GRID2: variants seen among roughly 807,000 people sequenced by gnomAD.
GRID2 encodes the protein glutamate receptor ionotropic, delta-2.
In GRID2, 33 loss-of-function variants were observed where a neutral mutation model predicts 114.8. The observed-to-expected ratio is 0.29, with a 90% CI of 0.22 to 0.38. The LOEUF (loss-of-function observed/expected upper bound fraction) is 0.38. GRID2 is among the 10% of genes least tolerant of loss of function. The probability of loss-of-function intolerance (pLI) is 1.00; values close to 1 mark genes in which losing one functional copy is unlikely to be tolerated. For missense variants in GRID2, 1,184 were observed against 1,257.7 expected, an observed-to-expected ratio of 0.94 and a Z score of 0.89; for synonymous variants, 505 against 449.9, an observed-to-expected ratio of 1.12 and a Z score of -1.55.
chr4:92,604,934 C>A (rs188840338), intron 2 of GRID2, among the ~76,000 whole-genome samples: 1 of 151,922 alleles, frequency 6.6e-6, no homozygotes, highest in Non-Finnish European at 1.5e-5. Context: ...TTGAATCATG[C>A]GGGCAGTTTC....
chr4:93,600,540 T>C (rs567592014), intron 13 of GRID2, among the ~76,000 whole-genome samples: 2 of 152,088 alleles, frequency 1.3e-5, no homozygotes, highest in South Asian at 2.1e-4. Context: ...TCCACCATAA[T>C]AGCTAGAATT....
chr4:93,558,926 T>C (rs1157594811), intron 13 of GRID2, among the ~76,000 whole-genome samples: 1 of 152,194 alleles, frequency 6.6e-6, no homozygotes, highest in African/African-American at 2.4e-5. Flanking sequence ...CAAAGCTGGT[T>C]CAGCATATGC....
intron 8 of GRID2, among the ~76,000 whole-genome samples, chr4:93,361,770 A>G (rs1277290867): frequency 1.3e-5 from 2 of 152,030 alleles, no homozygotes; most frequent in East Asian, 3.9e-4. Context: ...GACAGCAGAG[A>G]CTGAGGTAAA....
rs751478717 is a variant in GRID2, at chr4:93,216,931, A to G, written c.963+20A>G. On this transcript the variant is annotated intron_variant, in intron 6 of 15. Transcript: ENST00000282020. Reference sequence around the variant, plus strand: ...ATGGAGGTATATTATAAATGACAGGATATTTCTTCCAGGGTGCTTTGTTGG... The same window carrying G: ...ATGGAGGTATATTATAAATGACAGGGTATTTCTTCCAGGGTGCTTTGTTGG... 2 of 1,570,830 alleles carry G rather than the reference A, an allele frequency of 1.3e-6. No individual in the cohort carries two copies. The highest frequency in any genetic ancestry group is 4.5e-5 in the East Asian group (2 of 44,454).
At chr4:92,415,290 C>T (rs1469691572) in intron 1 of GRID2, among the ~76,000 whole-genome samples, 3 of 151,798 alleles carry the variant, frequency 2.0e-5, no homozygotes, top group African/African-American at 7.3e-5. Flanking sequence ...AACTCTACAA[C>T]AAATATAGAT....
chr4:92,761,423 T>C (rs1315893074), intron 2 of GRID2, among the ~76,000 whole-genome samples: 1 of 152,190 alleles, frequency 6.6e-6, no homozygotes, highest in Non-Finnish European at 1.5e-5. Flanking sequence ...TTTAGTCAGA[T>C]ATAAGAAATA....
chr4:93,524,765 A>G (rs1045781241), intron 13 of GRID2, among the ~76,000 whole-genome samples: 11 of 139,204 alleles, frequency 7.9e-5, no homozygotes, highest in Non-Finnish European at 1.2e-4. Flanking sequence ...GATGCCAAGA[A>G]AAAATATATG....
At chr4:92,919,594 T>G (rs144188650) in intron 2 of GRID2, among the ~76,000 whole-genome samples, 6,812 of 152,270 alleles carry the variant, frequency 0.045, 280 homozygotes, top group East Asian at 0.2. Context: ...TATTTCTGCC[T>G]TCATTTTGTT....
intron 2 of GRID2, among the ~76,000 whole-genome samples, chr4:92,855,195 T>C (rs910422375): frequency 1.3e-5 from 2 of 152,040 alleles, no homozygotes; most frequent in Non-Finnish European, 2.9e-5. Context: ...CTATTCACTG[T>C]AGTGTAAAGA....
At position 93,699,755 on chromosome 4, in the gene GRID2, TCA is replaced by T. The variant is rs569295332; in HGVS notation, c.2361-69454_2361-69453del. Among the ~76,000 whole-genome samples the T allele has an allele frequency of 5.4e-3, 825 of 152,270 alleles. 6 individuals are homozygous for T. The highest frequency in any genetic ancestry group is 0.019 in the African/African-American group (778 of 41,572). ...ACTGAAGAAGGCTTTTATGTTTTAC[TCA>T]GATTTTTCTCTTTAAAATTGGTTAT... On this transcript the variant is annotated intron_variant, in intron 14 of 15. Transcript: ENST00000282020.
chr4:92,618,117 T>G (rs1033153469), intron 2 of GRID2, among the ~76,000 whole-genome samples: 1 of 151,758 alleles, frequency 6.6e-6, no homozygotes, highest in Non-Finnish European at 1.5e-5. Flanking sequence ...ATTTTTCTTA[T>G]GTTTTCTTCT....
intron 2 of GRID2, among the ~76,000 whole-genome samples, chr4:92,933,284 G>A (rs1750385138): frequency 6.6e-6 from 1 of 151,046 alleles, no homozygotes; most frequent in Non-Finnish European, 1.5e-5. Flanking sequence ...TATTTTAAGT[G>A]GTGTAAGATA....
At chr4:93,532,342 A>G (rs1731532636) in intron 13 of GRID2, among the ~76,000 whole-genome samples, 2 of 152,124 alleles carry the variant, frequency 1.3e-5, no homozygotes, top group African/African-American at 4.8e-5. Flanking sequence ...GCTACTCACA[A>G]ATTATTGCTT....
intron 1 of GRID2, among the ~76,000 whole-genome samples, chr4:92,449,693 A>G (rs1285685704): frequency 7.1e-6 from 1 of 141,672 alleles, no homozygotes; most frequent in Admixed American, 7.0e-5. Flanking sequence ...ATATATATAT[A>G]TATATATATA....
chr4:93,087,448 C>G (rs189687513), intron 3 of GRID2, among the ~76,000 whole-genome samples: 6 of 152,004 alleles, frequency 3.9e-5, no homozygotes, highest in Admixed American at 1.3e-4. Flanking sequence ...ATATTATAGT[C>G]AGGTAATTTG....
chr4:93,051,732 A>G (rs1726737151), intron 2 of GRID2, among the ~76,000 whole-genome samples: 1 of 152,020 alleles, frequency 6.6e-6, no homozygotes, highest in Non-Finnish European at 1.5e-5. Flanking sequence ...TGAAGTTAGC[A>G]TATAGAAATA....
intron 2 of GRID2, among the ~76,000 whole-genome samples, chr4:92,675,907 A>AG (rs1436485709): frequency 6.6e-6 from 1 of 151,982 alleles, no homozygotes; most frequent in Non-Finnish European, 1.5e-5. Flanking sequence ...TAGAAAGCCA[A>AG]GCTGAAGTGG....
At chr4:93,282,706 G>A (rs1041646903) in intron 8 of GRID2, among the ~76,000 whole-genome samples, 2 of 151,954 alleles carry the variant, frequency 1.3e-5, no homozygotes, top group African/African-American at 4.8e-5. Context: ...GTGTTAATCT[G>A]TTCTTGTGTT....
At chr4:92,595,517 G>A (rs1728909442) in intron 2 of GRID2, among the ~76,000 whole-genome samples, 1 of 151,878 alleles carries the variant, frequency 6.6e-6, no homozygotes, top group South Asian at 2.1e-4. Context: ...CTACTTCTTT[G>A]CATATCTTAA....
Sources: gnomAD v4.1 joint callset for allele counts (sites outside exome capture counted in the v4.1 genomes callset) on GRCh38, gnomAD v4.1.1 for gene constraint, MANE v1.5 for transcripts, NCBI Gene and HGNC (gene_info 2026-07-23, HGNC 2026-07-21) for gene names.